The following CCDC73 variants were observed in gnomAD, a reference collection of about 807,000 sequenced individuals.
CCDC73 encodes the protein coiled-coil domain-containing protein 73.
In CCDC73, 95 loss-of-function variants were observed where a neutral mutation model predicts 116.5. The observed-to-expected ratio is 0.82, with a 90% CI of 0.69 to 0.97. The LOEUF is 0.97. CCDC73 is among the 50% of genes least tolerant of loss of function. CCDC73 has a pLI of 0.00. For missense variants in CCDC73, 1,066 were observed against 1,206.8 expected, an observed-to-expected ratio of 0.88 and a Z score of 1.73; for synonymous variants, 398 against 401.3, an observed-to-expected ratio of 0.99 and a Z score of 0.10.
chr11:32,779,027 A>G (rs1455036354), intron 1 of CCDC73, among the ~76,000 whole-genome samples: 1 of 152,160 alleles, frequency 6.6e-6, no homozygotes, highest in Non-Finnish European at 1.5e-5. Context: ...CCAGAGTTCC[A>G]ACTGATGTGC....
chr11:32,766,353 A>G (rs968459888), intron 1 of CCDC73, among the ~76,000 whole-genome samples: 4 of 152,218 alleles, frequency 2.6e-5, no homozygotes, highest in African/African-American at 7.2e-5. Flanking sequence ...CCAATATCAT[A>G]CTGAATGGGC....
At chr11:32,655,049 A>C (rs1855858968) in intron 9 of CCDC73, 77 bp from the exon 10 acceptor site, 1 of 585,624 alleles carries the variant, frequency 1.7e-6, no homozygotes, top group South Asian at 3.2e-5. Flanking sequence ...GACAGTTTCA[A>C]AGTTCATCCT....
chr11:32,751,797 A>C (rs1307415899), intron 2 of CCDC73, among the ~76,000 whole-genome samples: 1 of 152,182 alleles, frequency 6.6e-6, no homozygotes, highest in Non-Finnish European at 1.5e-5. Flanking sequence ...TGTAGTTGTC[A>C]AATTTGGTGT....
chr11:32,693,265 C>T (rs567431589), intron 6 of CCDC73, among the ~76,000 whole-genome samples: 3 of 152,284 alleles, frequency 2.0e-5, no homozygotes, highest in Non-Finnish European at 2.9e-5. Flanking sequence ...AGTTGCTACA[C>T]GGTGGTTAAC....
intron 2 of CCDC73, among the ~76,000 whole-genome samples, chr11:32,722,710 GT>G: frequency 6.6e-6 from 1 of 152,158 alleles, no homozygotes; most frequent in East Asian, 1.9e-4. Flanking sequence ...ATAAGATACT[GT>G]TTTCATCATG....
intron 13 of CCDC73, among the ~76,000 whole-genome samples, chr11:32,638,464 T>C (rs1855701474): frequency 6.6e-6 from 1 of 152,056 alleles, no homozygotes; most frequent in East Asian, 1.9e-4. Flanking sequence ...GCCTCCATGA[T>C]TGTTCTATTT....
chr11:32,681,326 G>A (rs990701007), intron 7 of CCDC73: 1 of 151,926 alleles, frequency 6.6e-6, no homozygotes, highest in Non-Finnish European at 1.5e-5. Context: ...GGAAAAATTT[G>A]TATCAATGAC....
chr11:32,705,208 A>G (rs1411371403), intron 3 of CCDC73, among the ~76,000 whole-genome samples: 6 of 152,228 alleles, frequency 3.9e-5, no homozygotes, highest in Non-Finnish European at 8.8e-5. Flanking sequence ...TAACACAAAC[A>G]GGCTAAAATA....
At chr11:32,690,123 A>G (rs901299350) in intron 6 of CCDC73, among the ~76,000 whole-genome samples, 24 of 151,710 alleles carry the variant, frequency 1.6e-4, no homozygotes, top group African/African-American at 5.6e-4. Flanking sequence ...AGGAGAAAAT[A>G]TAAAGACTCG....
At position 32,615,965 on chromosome 11, in the gene CCDC73, T is replaced by C; in HGVS notation, c.1350A>G (p.Ser450=). ...CATCTATAATTATTTCCTCTATAAATGAGCCTTCTTTTTTTTCTTCTTTTT... is the reference window on the plus strand; with the variant it reads ...CATCTATAATTATTTCCTCTATAAACGAGCCTTCTTTTTTTTCTTCTTTTT... ...YREKEEKKEG[S]FIEEIIIDDL... is the part of the protein sequence containing the mutation. The change falls in exon 15 of 18, where the codon TCA becomes TCG. Residue 450 remains serine, a synonymous_variant. Coordinates refer to ENST00000335185, the MANE Select transcript of CCDC73 (RefSeq NM_001008391.4). 1 of 1,577,566 alleles carries C rather than the reference T, an allele frequency of 6.3e-7. No homozygotes were observed. The highest frequency in any genetic ancestry group is 1.4e-5 in the African/African-American group (1 of 73,538).
intron 6 of CCDC73, among the ~76,000 whole-genome samples, chr11:32,693,505 GA>G (rs2133306419): frequency 6.6e-6 from 1 of 152,244 alleles, no homozygotes; most frequent in South Asian, 2.1e-4. Context: ...TCAGCCATAT[GA>G]AGGAATTTCT....
intron 1 of CCDC73, among the ~76,000 whole-genome samples, chr11:32,761,681 G>A (rs1385406860): frequency 6.6e-6 from 1 of 152,100 alleles, no homozygotes; most frequent in Non-Finnish European, 1.5e-5. Flanking sequence ...AACAGAATAG[G>A]ATGGGTATGT....
chr11:32,621,993 T>C (rs1218231260), intron 14 of CCDC73, among the ~76,000 whole-genome samples: 1 of 152,120 alleles, frequency 6.6e-6, no homozygotes. Context: ...ATGGTGATTA[T>C]TAAGAAGTCA....
rs1855690907 is a variant in CCDC73 at position 32,637,288 on chromosome 11, G to A, written c.1051-1458C>T. Among the ~76,000 whole-genome samples the A allele has an allele frequency of 2.6e-5, 4 of 152,078 alleles. No individual in the cohort carries two copies. In the South Asian group the frequency reaches 8.3e-4, roughly 32 times the overall value. ...GGCCTCCCAAAGTGCTGGGATTACA[G>A]GCATGAGTCACTGAGCCTGGCCCTG... is the stretch of plus-strand genomic sequence containing the variant. On this transcript the variant is annotated intron_variant, in intron 13 of 17. Transcript: ENST00000335185.
intron 9 of CCDC73, among the ~76,000 whole-genome samples, chr11:32,656,156 C>A (rs1855870046): frequency 1.3e-5 from 2 of 151,970 alleles, no homozygotes; most frequent in South Asian, 4.2e-4. Flanking sequence ...CGGCTCACTG[C>A]AAGCTCCGCC....
At chr11:32,745,745 G>GTTTTTTTTTTTTTT (rs140610634) in intron 2 of CCDC73, among the ~76,000 whole-genome samples, 1 of 113,914 alleles carries the variant, frequency 8.8e-6, no homozygotes, top group Non-Finnish European at 1.8e-5. Context: ...GTTTGTTTTG[G>GTTTTTTTTTTTTTT]TTTTTTTTTT....
chr11:32,605,673 TGA>T (rs1855340279), intron 17 of CCDC73: 1 of 152,164 alleles, frequency 6.6e-6, no homozygotes, highest in Non-Finnish European at 1.5e-5. Context: ...ACCCACTTGC[TGA>T]GAGGGGTAGG....
intron 5 of CCDC73, among the ~76,000 whole-genome samples, chr11:32,699,974 C>T (rs190344947): frequency 3.3e-5 from 5 of 150,998 alleles, no homozygotes; most frequent in African/African-American, 9.7e-5. Context: ...CTACAAATTA[C>T]ATTTCTAAAG....
intron 2 of CCDC73, among the ~76,000 whole-genome samples, chr11:32,735,985 C>A (rs1177084257): frequency 2.6e-5 from 4 of 152,142 alleles, no homozygotes; most frequent in African/African-American, 9.7e-5. Context: ...GGATCCCTTC[C>A]TTACACTTTA....
Sources: gnomAD v4.1 joint callset for allele counts (sites outside exome capture counted in the v4.1 genomes callset) on GRCh38, gnomAD v4.1.1 for gene constraint, MANE v1.5 for transcripts, NCBI Gene and HGNC (gene_info 2026-07-23, HGNC 2026-07-21) for gene names.